The following TLR6 variants were observed in gnomAD, a reference collection of about 807,000 sequenced individuals.
TLR6 encodes the protein toll like receptor 6.
A neutral mutation model predicts 16.1 loss-of-function variants in TLR6; 9 were observed. That is an observed-to-expected ratio of 0.56 (90% CI 0.34 to 0.98). The LOEUF (loss-of-function observed/expected upper bound fraction) is 0.98, where lower values mean the gene tolerates loss of function less well. Ranked by LOEUF, TLR6 falls within the 50% of genes least tolerant of loss-of-function variation. The pLI, the probability that TLR6 is intolerant of heterozygous loss-of-function variation, is 0.02. For synonymous variants in TLR6, 340 were observed against 338.6 expected (o/e 1.00, Z -0.04); for missense variants, 786 against 921.0 (o/e 0.85, Z 1.90).
At chr4:38,856,424 A>G (rs1712991089) in intron 1 of TLR6, among the ~76,000 whole-genome samples, 1 of 152,234 alleles carries the variant, frequency 6.6e-6, no homozygotes, top group Non-Finnish European at 1.5e-5. Context: ...TTACTGTTAA[A>G]TGTTACTGAA....
intron 1 of TLR6, among the ~76,000 whole-genome samples, chr4:38,842,504 G>A (rs73811211): frequency 0.032 from 4,816 of 152,314 alleles, 223 homozygotes; most frequent in African/African-American, 0.089. Context: ...GACTGGGAAA[G>A]AGGGGTGGGA....
At chr4:38,848,310 G>A (rs376747003) in intron 1 of TLR6, among the ~76,000 whole-genome samples, 4 of 152,032 alleles carry the variant, frequency 2.6e-5, no homozygotes, top group African/African-American at 9.7e-5. Flanking sequence ...GACCAAAGGT[G>A]GATAAAACCA....
intron 1 of TLR6, among the ~76,000 whole-genome samples, chr4:38,840,591 G>A (rs149738084): frequency 0.03 from 4,523 of 150,004 alleles, 224 homozygotes; most frequent in African/African-American, 0.11. Context: ...CCGAGATCGC[G>A]CCATTACACT....
At chr4:38,833,073 C>T (rs896062961) in intron 1 of TLR6, among the ~76,000 whole-genome samples, 2 of 152,190 alleles carry the variant, frequency 1.3e-5, no homozygotes, top group African/African-American at 4.8e-5. Flanking sequence ...GTCCTGAGGA[C>T]TGGCTTGCCC....
chr4:38,827,921 C>A (rs1579237436), exon 2 of TLR6: 1 of 1,614,132 alleles, frequency 6.2e-7, no homozygotes, highest in East Asian at 2.2e-5. Context: ...CATCTTCTGG[C>A]AGCTCTGGAA....
At chr4:38,848,825 G>C (rs922664024) in intron 1 of TLR6, among the ~76,000 whole-genome samples, 4 of 152,172 alleles carry the variant, frequency 2.6e-5, no homozygotes, top group Non-Finnish European at 4.4e-5. Flanking sequence ...AAATTGACGG[G>C]GAGAATGGAA....
At chr4:38,827,585 T>C (rs202074616) in exon 2 of TLR6, 3 of 1,614,228 alleles carry the variant, frequency 1.9e-6, no homozygotes, top group Admixed American at 1.7e-5. Context: ...TAAGGGTATG[T>C]TCCTGGCCCT....
intron 1 of TLR6, among the ~76,000 whole-genome samples, chr4:38,834,350 GAAA>G (rs199516709): frequency 2.5e-5 from 3 of 120,982 alleles, no homozygotes; most frequent in African/African-American, 3.0e-5. Context: ...CCAGTGAGGC[GAAA>G]AAAAAAAAAA....
the TLR6 span, among the ~76,000 whole-genome samples, chr4:38,863,985 T>C: frequency 1.3e-5 from 2 of 152,220 alleles, no homozygotes; most frequent in Non-Finnish European, 2.9e-5. Flanking sequence ...ATCCTCCCTC[T>C]GCTCCAGCCA....
chr4:38,848,285 G>A (rs538069897), intron 1 of TLR6, among the ~76,000 whole-genome samples: 37 of 152,278 alleles, frequency 2.4e-4, no homozygotes, highest in African/African-American at 7.0e-4. Context: ...CCATCTGTAC[G>A]TCACCATCAT....
intron 1 of TLR6, among the ~76,000 whole-genome samples, chr4:38,855,746 T>C (rs1467255941): frequency 6.6e-6 from 1 of 152,166 alleles, no homozygotes; most frequent in Non-Finnish European, 1.5e-5. Flanking sequence ...CTGAGGCAGT[T>C]CCTAGGGAAT....
At chr4:38,852,031 G>T (rs144766671) in intron 1 of TLR6, among the ~76,000 whole-genome samples, 4,741 of 152,170 alleles carry the variant, frequency 0.031, 217 homozygotes, top group African/African-American at 0.087. Flanking sequence ...CCAAAACAGA[G>T]ATATAGATCA....
chr4:38,853,794 A>T (rs950924872), intron 1 of TLR6, among the ~76,000 whole-genome samples: 5 of 152,198 alleles, frequency 3.3e-5, no homozygotes, highest in Non-Finnish European at 7.3e-5. Context: ...TTGAAAACAA[A>T]TCCCTCAATT....
At chr4:38,857,772 C>T (rs1353801633), upstream of TLR6, among the ~76,000 whole-genome samples, 1 of 152,196 alleles carries the variant, frequency 6.6e-6, no homozygotes, top group Non-Finnish European at 1.5e-5. Context: ...TCTTGTGATT[C>T]ATCCTTACTC....
chr4:38,842,484 C>T (rs1259125266), intron 1 of TLR6, among the ~76,000 whole-genome samples: 4 of 152,218 alleles, frequency 2.6e-5, no homozygotes, highest in African/African-American at 7.2e-5. Context: ...CCCACAGATC[C>T]CATGTTTGTG....
chr4:38,842,774 C>T (rs1239859818), intron 1 of TLR6, among the ~76,000 whole-genome samples: 1 of 152,184 alleles, frequency 6.6e-6, no homozygotes, highest in African/African-American at 2.4e-5. Flanking sequence ...AATACCATCA[C>T]GTTGGTAATT....
chr4:38,823,743 C>T (rs571256288), exon 2 of TLR6: 1 of 152,302 alleles, frequency 6.6e-6, no homozygotes, highest in East Asian at 1.9e-4. Context: ...TTTTCAACCT[C>T]CCAGAAACGA....
chr4:38,834,767 AACC>A (rs1711818244), intron 1 of TLR6, among the ~76,000 whole-genome samples: 1 of 152,244 alleles, frequency 6.6e-6, no homozygotes, highest in Admixed American at 6.5e-5. Flanking sequence ...AGAAACTGTC[AACC>A]AAGAAGACTA....
Position 38,827,332 on chromosome 4 carries a change from G to A in TLR6, c.2142C>T (p.Tyr714=), listed in dbSNP as rs140132749. The change falls in exon 2 of 2, where the codon TAC becomes TAT. Residue 714 remains tyrosine (Y), a synonymous_variant. Transcript: ENST00000436693. Reference sequence around the variant, plus strand: ...GATTGTGATGGGCAAAATAGAGTTCGTAATGGCACCACTCACTCTGGACAA... The same window carrying A: ...GATTGTGATGGGCAAAATAGAGTTCATAATGGCACCACTCACTCTGGACAA... The A allele has an allele frequency of 4.0e-5, 65 of 1,614,128 alleles. 3 individuals carry two copies. In the Admixed American group the frequency reaches 5.0e-4, roughly 12 times the overall value.
Sources: gnomAD v4.1 joint callset for allele counts (sites outside exome capture counted in the v4.1 genomes callset) on GRCh38, gnomAD v4.1.1 for gene constraint, MANE v1.5 for transcripts, NCBI Gene and HGNC (gene_info 2026-07-23, HGNC 2026-07-21) for gene names.